Variants in MEGF11 observed in about 807,000 individuals in gnomAD.
MEGF11 encodes the protein multiple EGF like domains 11, also known as multiple epidermal growth factor-like domains protein 11.
MEGF11 carries 126 observed loss-of-function variants against 146.6 expected under a neutral mutation model. The ratio of observed to expected loss-of-function variants is 0.86; its 90% CI spans 0.74 to 1.00. The LOEUF (loss-of-function observed/expected upper bound fraction) is 1.00. MEGF11 is among the 50% of genes least tolerant of loss of function. The pLI, the probability that MEGF11 is intolerant of heterozygous loss-of-function variation, is 0.00. For missense variants in MEGF11, 1,509 were observed against 1,521.2 expected, an observed-to-expected ratio of 0.99 and a Z score of 0.13; for synonymous variants, 532 against 583.4, an observed-to-expected ratio of 0.91 and a Z score of 1.27.
chr15:66,118,033 G>A (rs1210501967), intron 4 of MEGF11, among the ~76,000 whole-genome samples: 6 of 152,080 alleles, frequency 3.9e-5, no homozygotes, highest in Admixed American at 3.3e-4. Context: ...CCTCTGGTGC[G>A]AACTCTCTCT....
chr15:65,983,529 T>G (rs762654537), intron 5 of MEGF11, among the ~76,000 whole-genome samples: 1 of 152,154 alleles, frequency 6.6e-6, no homozygotes, highest in Admixed American at 6.5e-5. Context: ...TGGGAGAAGT[T>G]GGATGGAAAG....
intron 5 of MEGF11, among the ~76,000 whole-genome samples, chr15:66,026,216 C>T (rs1182305420): frequency 6.6e-6 from 1 of 152,210 alleles, no homozygotes; most frequent in Non-Finnish European, 1.5e-5. Flanking sequence ...ATGAGAATCA[C>T]CTGGGAGGTC....
intron 24 of MEGF11, 144 bp downstream of exon 24, chr15:65,905,941 A>G (rs2078613367): frequency 1.9e-6 from 1 of 530,806 alleles, no homozygotes; most frequent in Non-Finnish European, 3.3e-6. Flanking sequence ...GCTACCCAAC[A>G]GCCCCAGGCC....
At chr15:65,977,403 G>A (rs1321725147) in intron 7 of MEGF11, among the ~76,000 whole-genome samples, 1 of 151,980 alleles carries the variant, frequency 6.6e-6, no homozygotes, top group African/African-American at 2.4e-5. Context: ...GCCGGGAAGT[G>A]GGGCTCCATG....
At chr15:66,116,024 C>T (rs1450278636) in intron 4 of MEGF11, among the ~76,000 whole-genome samples, 1 of 152,202 alleles carries the variant, frequency 6.6e-6, no homozygotes, top group Non-Finnish European at 1.5e-5. Context: ...ACACACCCAA[C>T]CCAGCCACCT....
chr15:66,137,043 G>A (rs946977052), intron 1 of MEGF11, among the ~76,000 whole-genome samples: 4 of 152,186 alleles, frequency 2.6e-5, no homozygotes, highest in Non-Finnish European at 4.4e-5. Flanking sequence ...AAGAGAGAAA[G>A]AGAGATGCTT....
intron 5 of MEGF11, among the ~76,000 whole-genome samples, chr15:66,035,170 T>C (rs2083681315): frequency 6.6e-6 from 1 of 152,222 alleles, no homozygotes; most frequent in African/African-American, 2.4e-5. Context: ...ACCCAGAGTA[T>C]GCAGCAAAGT....
chr15:65,897,128 T>C lies in MEGF11; in HGVS notation c.*806A>G, dbSNP rs1832365503. The C allele has an allele frequency of 6.6e-6, 1 of 152,204 alleles. No homozygotes were observed. Among genetic ancestry groups the C allele is most frequent in the Admixed American group, 6.5e-5 (1 of 15,276 alleles). 9.4% of individuals were successfully genotyped at this position (152,204 alleles called of 1,614,324 possible). On this transcript the variant is annotated 3_prime_UTR_variant, in exon 26 of 26. Coordinates refer to ENST00000395614, the MANE Select transcript of MEGF11 (RefSeq NM_001385028.1). The stretch of plus-strand genomic sequence containing the variant: ...TAGAGCTCTGTTTTACATGGAATGA[T>C]TCAGGTGTCGGATGGACTAAGTAGA...
At chr15:66,046,414 C>A (rs1054315659) in intron 5 of MEGF11, among the ~76,000 whole-genome samples, 2 of 152,214 alleles carry the variant, frequency 1.3e-5, no homozygotes, top group Non-Finnish European at 2.9e-5. Flanking sequence ...AGGCTGCATG[C>A]AGTGTAGGCA....
intron 1 of MEGF11, among the ~76,000 whole-genome samples, chr15:66,243,003 T>C (rs963111927): frequency 6.6e-6 from 1 of 152,162 alleles, no homozygotes; most frequent in Admixed American, 6.5e-5. Flanking sequence ...TCCCCCAAAG[T>C]ATACAAACTT....
Position 65,982,228 on chromosome 15 carries a change from G to A in MEGF11, c.641+14C>T. ...TCCAGGTCCCGCCCCTCCAGGTCCT[G>A]CCGCATGACTCACTAGACGCCGGTG... On this transcript the variant is annotated intron_variant, in intron 6 of 25. Coordinates refer to ENST00000395614, the MANE Select transcript of MEGF11 (RefSeq NM_001385028.1). This position sits in a 1 kb window ranked among gnomAD's most constrained non-coding sequence, Gnocchi z 5.6. 6.5e-7 allele frequency: 1 copy of A among 1,534,290 alleles called. No homozygotes were observed. The highest frequency in any genetic ancestry group is 8.7e-7 in the Non-Finnish European group (1 of 1,143,404).
At chr15:66,045,406 C>T (rs529267955) in intron 5 of MEGF11, among the ~76,000 whole-genome samples, 7 of 152,292 alleles carry the variant, frequency 4.6e-5, no homozygotes, top group Admixed American at 3.9e-4. Context: ...CCTGCCTGTC[C>T]ACTTAAGGCA....
chr15:66,233,835 C>T (rs889363270), intron 1 of MEGF11, among the ~76,000 whole-genome samples: 3 of 152,152 alleles, frequency 2.0e-5, no homozygotes, highest in African/African-American at 7.2e-5. Flanking sequence ...ATGAGGAACG[C>T]CTGCCAAAGG....
rs1180788795 is a variant in MEGF11 at position 65,977,477 on chromosome 15, C to CTT, written c.762+3299_762+3300dup. 1.4e-3 allele frequency among the ~76,000 whole-genome samples: 186 copies of CTT among 130,344 alleles called. 1 individual carries two copies. The highest frequency in any genetic ancestry group is 4.0e-3 in the Middle Eastern group (1 of 248). 85.5% of individuals were successfully genotyped at this position (130,344 alleles called of 152,430 possible). A position where few individuals can be genotyped will look rare whatever the true frequency, so the allele number is the denominator to read the frequency against. ...CCTCGGCCCCAAAAACTCTCTCCCT[C>CTT]TTTTTTTTTTTTTTTTTTTTGAGAT... On this transcript the variant is annotated intron_variant, in intron 7 of 25. Transcript: ENST00000395614.
At chr15:66,179,488 C>T (rs1253887069) in intron 1 of MEGF11, among the ~76,000 whole-genome samples, 1 of 152,202 alleles carries the variant, frequency 6.6e-6, no homozygotes, top group African/African-American at 2.4e-5. Context: ...AGCAGAAGAG[C>T]CCAAAGCAAC....
At chr15:65,943,644 C>A (rs1212021401) in intron 10 of MEGF11, among the ~76,000 whole-genome samples, 2 of 152,002 alleles carry the variant, frequency 1.3e-5, no homozygotes, top group African/African-American at 4.8e-5. Flanking sequence ...GAGGGTCACC[C>A]CCTACGTGAT....
At chr15:66,233,062 G>A (rs117746399) in intron 1 of MEGF11, among the ~76,000 whole-genome samples, 2,967 of 152,198 alleles carry the variant, frequency 0.019, 39 homozygotes, top group Middle Eastern at 0.037. Context: ...AGATAACACC[G>A]TGTCCATTTT....
At chr15:66,134,693 C>A (rs1390313976) in intron 1 of MEGF11, among the ~76,000 whole-genome samples, 1 of 152,248 alleles carries the variant, frequency 6.6e-6, no homozygotes, top group Admixed American at 6.5e-5. Context: ...CAACAAGGTG[C>A]AGCTACAGGG....
chr15:66,094,600 G>A lies in MEGF11; in HGVS notation c.302-106C>T. ...TTGTCACAACTCCCTGGTGCCCAGG[G>A]ATGCTTAGAACGCATGACTGGCTTG... On this transcript the variant is annotated intron_variant, in intron 4 of 25. Coordinates refer to ENST00000395614, the MANE Select transcript of MEGF11 (RefSeq NM_001385028.1). 4.1e-6 allele frequency: 4 copies of A among 965,178 alleles called. No individual in the cohort carries two copies. The South Asian group carries it at 6.4e-5, about 16-fold the overall frequency. 59.8% of individuals were successfully genotyped at this position (965,178 alleles called of 1,614,324 possible).
Sources: allele counts gnomAD v4.1 joint callset (sites outside exome capture counted in the v4.1 genomes callset), GRCh38; gene constraint gnomAD v4.1.1; non-coding constraint Gnocchi (gnomAD v3.1); transcripts MANE v1.5; gene names NCBI Gene and HGNC (gene_info 2026-07-23, HGNC 2026-07-21).